GPAT4: variants seen among roughly 807,000 people sequenced by gnomAD.
GPAT4 encodes the protein glycerol-3-phosphate acyltransferase 4, also known as 1-AGP acyltransferase 6.
In GPAT4, 17 loss-of-function variants were observed where a neutral mutation model predicts 58.0. The ratio of observed to expected loss-of-function variants is 0.29; its 90% CI spans 0.20 to 0.44. The LOEUF (loss-of-function observed/expected upper bound fraction) is 0.44. Ranked by LOEUF, GPAT4 falls within the 20% of genes least tolerant of loss-of-function variation. GPAT4 has a pLI of 1.00. For missense variants in GPAT4, 377 were observed against 574.5 expected, an observed-to-expected ratio of 0.66 and a Z score of 3.51; for synonymous variants, 204 against 210.1, an observed-to-expected ratio of 0.97 and a Z score of 0.25.
chr8:41,582,696 G>GTGTGTGTGTGC, intron 1 of GPAT4, among the ~76,000 whole-genome samples: 1 of 115,248 alleles, frequency 8.7e-6, no homozygotes, highest in African/African-American at 3.4e-5. Context: ...TGTGTGTGTG[G>GTGTGTGTGTGC]GTGTATCTCA....
chr8:41,616,705 G>A (rs939385302), intron 10 of GPAT4, among the ~76,000 whole-genome samples: 1 of 152,110 alleles, frequency 6.6e-6, no homozygotes, highest in Admixed American at 6.5e-5. Context: ...GTCAGAACAC[G>A]AACCCTGAGG....
chr8:41,587,944 G>A (rs772668724), intron 1 of GPAT4, among the ~76,000 whole-genome samples: 6 of 152,190 alleles, frequency 3.9e-5, no homozygotes, highest in Non-Finnish European at 7.3e-5. Context: ...GAATTTCTTT[G>A]CCATCTCACT....
intron 2 of GPAT4, among the ~76,000 whole-genome samples, 169 bp from the exon 3 acceptor site, chr8:41,609,247 G>C (rs1296119618): frequency 6.6e-6 from 1 of 152,224 alleles, no homozygotes; most frequent in East Asian, 1.9e-4. Context: ...TGTCAAGGAA[G>C]GGGCTGCTCT....
In GPAT4 at chr8:41,614,397, A is replaced by G; in HGVS notation, c.923A>G (p.His308Arg). ...TTCTTCTTTGAAAGACTGACTGAAC[A>G]TGTGCAAGATAAAAGCAAGCTGCCT... is the stretch of plus-strand genomic sequence containing the variant. ...RHLVAKRLTE[H>R]VQDKSKLPIL... Residue 308 changes from histidine to arginine, a missense_variant, in exon 9 of 13, where the codon CAT becomes CGT. Coordinates refer to ENST00000396987, the MANE Select transcript of GPAT4 (RefSeq NM_178819.4). The G allele has an allele frequency of 1.2e-6, 2 of 1,614,044 alleles. No individual in the cohort carries two copies. The highest frequency in any genetic ancestry group is 1.7e-6 in the Non-Finnish European group (2 of 1,179,970).
At chr8:41,610,001 G>A (rs375193717) in intron 4 of GPAT4, 46 bp downstream of exon 4, 8 of 1,557,278 alleles carry the variant, frequency 5.1e-6, no homozygotes, top group Admixed American at 3.7e-5. Flanking sequence ...GCCACCCCAC[G>A]TGGTGCACAG....
At chr8:41,592,107 A>G (rs1224406620) in intron 1 of GPAT4, among the ~76,000 whole-genome samples, 2 of 152,182 alleles carry the variant, frequency 1.3e-5, no homozygotes, top group East Asian at 3.8e-4. Flanking sequence ...CCAATTTCCT[A>G]TAGCTATGCT....
At chr8:41,578,441 G>A (rs960355575) in intron 1 of GPAT4, 163 bp downstream of exon 1, 1 of 151,876 alleles carries the variant, frequency 6.6e-6, no homozygotes, top group African/African-American at 2.4e-5. Context: ...GCGCCCCGGG[G>A]ATCCCCGGCG....
chr8:41,587,732 T>A (rs1167483863), intron 1 of GPAT4, among the ~76,000 whole-genome samples: 1 of 152,180 alleles, frequency 6.6e-6, no homozygotes, highest in Non-Finnish European at 1.5e-5. Flanking sequence ...GGTAAAAAAA[T>A]CACCCTTGGT....
At chr8:41,588,542 T>A (rs1802712335) in intron 1 of GPAT4, among the ~76,000 whole-genome samples, 2 of 152,194 alleles carry the variant, frequency 1.3e-5, no homozygotes, top group Non-Finnish European at 2.9e-5. Flanking sequence ...TTCCTTTCCT[T>A]CTGTTTTGTT....
chr8:41,589,928 C>A (rs868043091), intron 1 of GPAT4, among the ~76,000 whole-genome samples: 52 of 152,304 alleles, frequency 3.4e-4, no homozygotes, highest in African/African-American at 1.2e-3. Context: ...CTGGACAGGC[C>A]TGAGAACTTC....
chr8:41,618,965 T>C lies in GPAT4; in HGVS notation c.1250T>C (p.Val417Ala). 1 of 1,614,240 alleles carries C rather than the reference T, an allele frequency of 6.2e-7. No homozygotes were observed. The highest frequency in any genetic ancestry group is 1.3e-5 in the African/African-American group (1 of 75,070). Residue 417 changes from valine (V) to alanine (A), a missense_variant, in exon 12 of 13, where the codon GTG becomes GCG. Coordinates refer to ENST00000396987, the MANE Select transcript of GPAT4 (RefSeq NM_178819.4). Reference sequence around the variant, plus strand: ...GCCATTGCCAGGCAGGGAGGACTTGTGGACCTGCTGTGGTAAGTTTAGAGC... The same window carrying C: ...GCCATTGCCAGGCAGGGAGGACTTGCGGACCTGCTGTGGTAAGTTTAGAGC... The part of the protein sequence containing the change: ...KSAIARQGGL[V>A]DLLWDGGLKR...
intron 4 of GPAT4, 135 bp downstream of exon 4, chr8:41,610,090 C>A (rs1803398620): frequency 7.5e-6 from 11 of 1,473,656 alleles, no homozygotes; most frequent in Non-Finnish European, 9.8e-6. Flanking sequence ...CCACGTGACT[C>A]TTTGGAGGGA....
intron 1 of GPAT4, among the ~76,000 whole-genome samples, chr8:41,585,988 T>G (rs1360262530): frequency 1.3e-5 from 2 of 152,264 alleles, no homozygotes; most frequent in Non-Finnish European, 1.5e-5. Context: ...ACAATTCACC[T>G]AATGAAAGTA....
At chr8:41,588,171 CAT>C (rs1330642897) in intron 1 of GPAT4, among the ~76,000 whole-genome samples, 2 of 152,214 alleles carry the variant, frequency 1.3e-5, no homozygotes, top group African/African-American at 4.8e-5. Flanking sequence ...TGAGATCTAA[CAT>C]GTGACAGGCA....
intron 12 of GPAT4, chr8:41,619,438 T>C (rs1200995648): frequency 2.2e-5 from 4 of 182,784 alleles, no homozygotes; most frequent in African/African-American, 9.4e-5. Context: ...TATTTTAGGA[T>C]TTGCAGGCCA....
At chr8:41,590,580 G>A (rs1476785665) in intron 1 of GPAT4, among the ~76,000 whole-genome samples, 2 of 152,196 alleles carry the variant, frequency 1.3e-5, no homozygotes, top group African/African-American at 2.4e-5. Flanking sequence ...TACAGCCATC[G>A]TGAGGATTAC....
chr8:41,598,269 A>G (rs549724767), intron 1 of GPAT4, 23 bp from the exon 2 acceptor site: 8 of 152,312 alleles, frequency 5.3e-5, no homozygotes, highest in South Asian at 4.2e-4. Context: ...GTGACTGACA[A>G]TGTTTCTGTT....
chr8:41,612,508 G>T (rs1390154743), intron 7 of GPAT4, among the ~76,000 whole-genome samples: 2 of 152,190 alleles, frequency 1.3e-5, no homozygotes, highest in African/African-American at 2.4e-5. Context: ...AGGGGCAGAG[G>T]GAGTTGCTGG....
chr8:41,581,992 GATTTTTT>G (rs1802525256), intron 1 of GPAT4, among the ~76,000 whole-genome samples: 2 of 78,756 alleles, frequency 2.5e-5, no homozygotes, highest in African/African-American at 4.8e-5. Flanking sequence ...GAAGTTCAAT[GATTTTTT>G]TTTTTTTTTT....
Sources: allele counts gnomAD v4.1 joint callset (sites outside exome capture counted in the v4.1 genomes callset), GRCh38; gene constraint gnomAD v4.1.1; transcripts MANE v1.5; gene names NCBI Gene and HGNC (gene_info 2026-07-23, HGNC 2026-07-21).